Variants in TTLL13 observed in about 807,000 individuals in gnomAD.
The protein encoded by TTLL13 is tubulin polyglutamylase TTLL13.
At chr15:90,262,692 T>TA in the TTLL13 span, 348 of 1,457,018 alleles carry the variant, frequency 2.4e-4, no homozygotes, top group Non-Finnish European at 3.0e-4. Context: ...TTGTAGCTCT[T>TA]ATCTTTCCAC....
At chr15:90,264,799 G>A in the TTLL13 span, 1 of 1,536,108 alleles carries the variant, frequency 6.5e-7, no homozygotes. Context: ...CCCCAAAGCA[G>A]GGCTATTTTC....
the TTLL13 span, chr15:90,262,233 C>T: frequency 4.7e-6 from 7 of 1,474,396 alleles, no homozygotes; most frequent in Non-Finnish European, 6.3e-6. Context: ...TAGGTGGGGA[C>T]AAGTCCTGAA....
chr15:90,264,105 C>G, the TTLL13 span: 1 of 1,210,286 alleles, frequency 8.3e-7, no homozygotes, highest in Non-Finnish European at 1.2e-6. Context: ...ATGTAAATCC[C>G]ACTAGCAAGC....
At chr15:90,254,138 A>G in the TTLL13 span, among the ~76,000 whole-genome samples, 3 of 151,408 alleles carry the variant, frequency 2.0e-5, no homozygotes. Flanking sequence ...GGTTGCAGTG[A>G]GCAGAGATCA....
At chr15:90,258,265 T>G in the TTLL13 span, 2 of 1,614,076 alleles carry the variant, frequency 1.2e-6, no homozygotes, top group Non-Finnish European at 1.7e-6. Context: ...CCCTGGCTGC[T>G]AGAGGTGAGG....
At chr15:90,256,935 C>T in the TTLL13 span, among the ~76,000 whole-genome samples, 1 of 152,136 alleles carries the variant, frequency 6.6e-6, no homozygotes, top group Non-Finnish European at 1.5e-5. Context: ...ATCCACCCTC[C>T]TCAGCCTCTC....
At chr15:90,265,279 AG>A in the TTLL13 span, 1 of 1,227,582 alleles carries the variant, frequency 8.1e-7, no homozygotes, top group Non-Finnish European at 1.0e-6. Context: ...CCGGGGCTGG[AG>A]GCCATCCAGG....
the TTLL13 span, chr15:90,263,087 A>G: frequency 6.5e-7 from 1 of 1,536,146 alleles, no homozygotes. Flanking sequence ...ATTGTAGAGC[A>G]GCTCACCCGT....
chr15:90,261,966 C>T, the TTLL13 span: 2 of 1,472,922 alleles, frequency 1.4e-6, no homozygotes, highest in Admixed American at 4.3e-5. Context: ...TGAACATTCC[C>T]ACAGCCCTAC....
the TTLL13 span, chr15:90,251,537 C>G: frequency 6.0e-5 from 97 of 1,612,990 alleles, no homozygotes; most frequent in South Asian, 1.0e-3. Flanking sequence ...CTGATTTATG[C>G]TATTCCTCCA....
chr15:90,264,367 A>G, the TTLL13 span, among the ~76,000 whole-genome samples: 8 of 152,016 alleles, frequency 5.3e-5, no homozygotes, highest in African/African-American at 1.9e-4. Context: ...ACTTTTGTAT[A>G]TTTTGTTTTT....
the TTLL13 span, chr15:90,257,663 C>T: frequency 6.2e-7 from 1 of 1,614,086 alleles, no homozygotes; most frequent in Non-Finnish European, 8.5e-7. Context: ...ACCTGACCAA[C>T]TATGCTATCA....
chr15:90,251,112 G>GGCTTTTTTT, the TTLL13 span, among the ~76,000 whole-genome samples: 1 of 97,134 alleles, frequency 1.0e-5, no homozygotes, highest in Non-Finnish European at 2.0e-5. Flanking sequence ...ATCCTGGTCT[G>GGCTTTTTTT]TCTTTTTTTT....
chr15:90,265,009 C>A, the TTLL13 span: 1 of 1,503,492 alleles, frequency 6.7e-7, no homozygotes. Flanking sequence ...ATAACCTCCC[C>A]AGGTTTCCAA....
the TTLL13 span, chr15:90,264,023 G>C: frequency 6.5e-7 from 1 of 1,535,956 alleles, no homozygotes; most frequent in Non-Finnish European, 8.7e-7. Flanking sequence ...GCTGGGAGGT[G>C]CTATTTTTCC....
chr15:90,259,859 G>A, the TTLL13 span, among the ~76,000 whole-genome samples: 2 of 152,154 alleles, frequency 1.3e-5, no homozygotes, highest in African/African-American at 2.4e-5. Context: ...ACTGGTCACC[G>A]ATACTAAAAT....
At chr15:90,262,607 A>G in the TTLL13 span, 2 of 1,533,172 alleles carry the variant, frequency 1.3e-6, no homozygotes, top group African/African-American at 2.7e-5. Context: ...AAGCCGACCC[A>G]GGGCAGGGCT....
chr15:90,262,455 C>T, the TTLL13 span: 7 of 1,443,274 alleles, frequency 4.9e-6, no homozygotes, highest in Non-Finnish European at 5.4e-6. Context: ...TCCCCAACAC[C>T]ATTTCTCTAC....
chr15:90,253,414 A>ATGAC, the TTLL13 span: 1 of 1,444,334 alleles, frequency 6.9e-7, no homozygotes, highest in Non-Finnish European at 9.6e-7. Flanking sequence ...GGGCCCCAGA[A>ATGAC]TGACTATTCC....
Sources: allele counts gnomAD v4.1 joint callset (sites outside exome capture counted in the v4.1 genomes callset), GRCh38; gene constraint gnomAD v4.1.1; transcripts MANE v1.5; gene names NCBI Gene and HGNC (gene_info 2026-07-23, HGNC 2026-07-21).